The following LRRC37A2 variants were observed in gnomAD, a reference collection of about 807,000 sequenced individuals.
LRRC37A2 encodes the protein leucine rich repeat containing 37 member A2, also known as leucine-rich repeat-containing protein 37A2.
In LRRC37A2, 9 loss-of-function variants were observed where a neutral mutation model predicts 68.8. The ratio of observed to expected loss-of-function variants is 0.13; its 90% confidence interval spans 0.08 to 0.23. The LOEUF is 0.23. Ranked by LOEUF, LRRC37A2 falls within the 10% of genes least tolerant of loss-of-function variation. The pLI, the probability that LRRC37A2 is intolerant of heterozygous loss-of-function variation, is 1.00. For missense variants in LRRC37A2, 168 were observed against 950.4 expected (o/e 0.18, Z 10.82); for synonymous variants, 63 against 367.6 (o/e 0.17, Z 9.48).
At chr17:46,860,452 G>C in the LRRC37A2 span, among the ~76,000 whole-genome samples, 1 of 152,088 alleles carries the variant, frequency 6.6e-6, no homozygotes, top group Non-Finnish European at 1.5e-5. Flanking sequence ...CTGGGCTTGG[G>C]GTCACACAGA....
the LRRC37A2 span, among the ~76,000 whole-genome samples, chr17:46,494,494 G>C: frequency 0.063 from 8,174 of 130,724 alleles, 2 homozygotes; most frequent in Middle Eastern, 0.11. Context: ...GATAATGGCT[G>C]TTCCAATAAA....
At chr17:46,831,574 G>T in the LRRC37A2 span, 9 of 152,772 alleles carry the variant, frequency 5.9e-5, no homozygotes, top group South Asian at 2.1e-4. Context: ...TAGGAGAAGA[G>T]GGGGAGGGCC....
the LRRC37A2 span, among the ~76,000 whole-genome samples, chr17:46,494,072 T>C: frequency 6.7e-5 from 10 of 149,262 alleles, no homozygotes; most frequent in Admixed American, 4.0e-4. Context: ...CTTGAACTCC[T>C]GAGCTCAAGC....
chr17:46,548,153 C>T, intron 9 of LRRC37A2, 159 bp from the exon 9 acceptor site: 2 of 159,074 alleles, frequency 1.3e-5, no homozygotes, highest in African/African-American at 2.8e-4. Flanking sequence ...TTGTTGTTGC[C>T]ATTTCATAGG....
the LRRC37A2 span, chr17:46,938,579 T>TC: frequency 6.2e-7 from 1 of 1,613,876 alleles, no homozygotes; most frequent in Non-Finnish European, 8.5e-7. Flanking sequence ...TGTTTTTTTT[T>TC]CTGTTCTCTT....
chr17:46,803,794 C>A, the LRRC37A2 span, among the ~76,000 whole-genome samples: 1 of 152,208 alleles, frequency 6.6e-6, no homozygotes, highest in Non-Finnish European at 1.5e-5. Context: ...CCTGCCCTGG[C>A]AGAATGGGCC....
At chr17:46,794,289 C>T in the LRRC37A2 span, among the ~76,000 whole-genome samples, 1 of 152,094 alleles carries the variant, frequency 6.6e-6, no homozygotes, top group East Asian at 1.9e-4. Context: ...AGAAAGGAGG[C>T]CAGGGCCTGA....
At chr17:46,675,933 A>G in the LRRC37A2 span, among the ~76,000 whole-genome samples, 4 of 132,988 alleles carry the variant, frequency 3.0e-5, no homozygotes, top group Non-Finnish European at 6.1e-5. Flanking sequence ...TTTTAAATGC[A>G]TAATTGAGCT....
the LRRC37A2 span, among the ~76,000 whole-genome samples, chr17:46,753,530 C>T: frequency 6.6e-6 from 1 of 152,064 alleles, no homozygotes; most frequent in Non-Finnish European, 1.5e-5. Context: ...AGTGCAAATA[C>T]AGGTGTATTG....
the LRRC37A2 span, among the ~76,000 whole-genome samples, chr17:46,499,222 G>A: frequency 2.9e-5 from 4 of 139,846 alleles, no homozygotes; most frequent in Non-Finnish European, 4.5e-5. Flanking sequence ...TGAGGCAGGC[G>A]AGTGGCTTGA....
the LRRC37A2 span, among the ~76,000 whole-genome samples, chr17:46,809,420 G>C: frequency 6.6e-6 from 1 of 152,176 alleles, no homozygotes; most frequent in Non-Finnish European, 1.5e-5. Context: ...TTCCCAGAAA[G>C]GTCTTCCAGA....
At chr17:46,744,963 T>G in the LRRC37A2 span, among the ~76,000 whole-genome samples, 2 of 152,236 alleles carry the variant, frequency 1.3e-5, no homozygotes, top group African/African-American at 2.4e-5. Context: ...TTTTTCTTTA[T>G]AGCATCAGGA....
At chr17:46,862,474 T>C in the LRRC37A2 span, among the ~76,000 whole-genome samples, 2 of 152,308 alleles carry the variant, frequency 1.3e-5, no homozygotes, top group South Asian at 4.1e-4. Flanking sequence ...AACTTGTAGT[T>C]TTCTGAGTTT....
chr17:46,876,665 G>T, the LRRC37A2 span: 1 of 1,596,958 alleles, frequency 6.3e-7, no homozygotes. Flanking sequence ...GTGCTGCTAC[G>T]TGGAGTGCCA....
chr17:46,568,683 T>TGG, the LRRC37A2 span, among the ~76,000 whole-genome samples: 1 of 97,396 alleles, frequency 1.0e-5, no homozygotes, highest in Non-Finnish European at 1.9e-5. Context: ...TATGCACCTG[T>TGG]GGTCCCAGCT....
chr17:46,882,070 C>T, the LRRC37A2 span, among the ~76,000 whole-genome samples: 8 of 152,186 alleles, frequency 5.3e-5, no homozygotes, highest in Admixed American at 4.6e-4. Flanking sequence ...GCAGGAAGAT[C>T]GCTTGAGCCC....
chr17:46,960,210 A>G, the LRRC37A2 span, among the ~76,000 whole-genome samples: 1 of 152,256 alleles, frequency 6.6e-6, no homozygotes, highest in East Asian at 1.9e-4. Context: ...ACACTTTACT[A>G]AAGAAGATAT....
At chr17:46,988,189 C>A in the LRRC37A2 span, among the ~76,000 whole-genome samples, 1 of 152,152 alleles carries the variant, frequency 6.6e-6, no homozygotes, top group South Asian at 2.1e-4. Flanking sequence ...AACAAACAAA[C>A]AAACAAATGC....
the LRRC37A2 span, among the ~76,000 whole-genome samples, chr17:46,622,420 G>T: frequency 6.7e-6 from 1 of 150,044 alleles, no homozygotes; most frequent in Non-Finnish European, 1.5e-5. Flanking sequence ...ATCGCACCAG[G>T]GCAGTCCAGC....
Sources: gnomAD v4.1 joint callset for allele counts (sites outside exome capture counted in the v4.1 genomes callset) on GRCh38, gnomAD v4.1.1 for gene constraint, MANE v1.5 for transcripts, NCBI Gene and HGNC (gene_info 2026-07-23, HGNC 2026-07-21) for gene names.